Variants in MAP4K2 observed in about 807,000 individuals in gnomAD.
MAP4K2 encodes the protein mitogen-activated protein kinase kinase kinase kinase 2.
MAP4K2 carries 85 observed loss-of-function variants against 125.3 expected under a neutral mutation model. That is an observed-to-expected ratio of 0.68 (90% CI 0.57 to 0.81). The LOEUF is 0.81. MAP4K2 is among the 40% of genes least tolerant of loss of function. The pLI is 0.00. For synonymous variants in MAP4K2, 479 were observed against 445.1 expected (o/e 1.08, Z -0.96); for missense variants, 923 against 1,056.4 (o/e 0.87, Z 1.75).
At chr11:64,793,592 G>A (rs1057410491) in intron 24 of MAP4K2, among the ~76,000 whole-genome samples, 1 of 152,136 alleles carries the variant, frequency 6.6e-6, no homozygotes, top group Admixed American at 6.6e-5. Flanking sequence ...CCACCCAGTG[G>A]CCCATGTCCT....
At position 64,803,047 on chromosome 11, in the gene MAP4K2, G is replaced by C. The variant is rs754690037; in HGVS notation, c.96+7C>G. ...TCCTCCCGGCTCTCCCGCCCGTCCC[G>C]TCGCACCTTGTAGACGTCGCCATAG... On this transcript the variant is annotated splice_region_variant and intron_variant, in intron 1 of 31. Transcript: ENST00000294066. 21 of 1,603,348 alleles carry C rather than the reference G, an allele frequency of 1.3e-5. No individual in the cohort carries two copies. The Admixed American group carries it at 3.3e-4, about 26-fold the overall frequency.
At chr11:64,796,424 TTGG>T in intron 23 of MAP4K2, 34 bp from the exon 24 acceptor site, 1 of 1,613,620 alleles carries the variant, frequency 6.2e-7, no homozygotes, top group African/African-American at 1.3e-5. Flanking sequence ...GCCTGGGGTG[TTGG>T]TGGGCAGGAT....
intron 7 of MAP4K2, 93 bp downstream of exon 7, chr11:64,801,486 G>A: frequency 7.1e-7 from 1 of 1,417,726 alleles, no homozygotes; most frequent in Non-Finnish European, 9.8e-7. Flanking sequence ...AAGTGGCAAA[G>A]TGACTTGCCC....
chr11:64,797,016 G>A lies in MAP4K2; in HGVS notation c.1373C>T (p.Ser458Phe). The change falls in exon 20 of 32, where the codon TCC becomes TTC. Residue 458 changes from serine to phenylalanine, a missense_variant. Ser to Phe is a radical substitution (Grantham distance 155). Coordinates refer to ENST00000294066, the MANE Select transcript of MAP4K2 (RefSeq NM_004579.5). Reference sequence around the variant, plus strand: ...GGGAGTTGGGGGGAGCCCGTGGCAGGATGACCTCTGGGAGGGAGGAAAGGA... The same window carrying A: ...GGGAGTTGGGGGGAGCCCGTGGCAGAATGACCTCTGGGAGGGAGGAAAGGA... ...MKQREDPERS[S>F]CHGLPPTPKV... 1 of 1,614,046 alleles carries A rather than the reference G, an allele frequency of 6.2e-7. No individual in the cohort carries two copies. The highest frequency in any genetic ancestry group is 1.1e-5 in the South Asian group (1 of 91,086).
rs1941141615 is a variant in MAP4K2, at chr11:64,801,153, G to A, written c.488C>T (p.Ala163Val). 3.7e-6 allele frequency: 6 copies of A among 1,613,350 alleles called. No homozygotes were observed. Among genetic ancestry groups the A allele is most frequent in the African/African-American group, 1.3e-5 (1 of 75,016 alleles). The stretch of plus-strand genomic sequence containing the variant: ...GAAAGACCTCCTCTTGGCCACAGAC[G>A]CTGTCAGCTCGCCTGACACCCCAAA... ...ADFGVSGELTASVAKRRSFIG... is the reference protein window; with the variant it reads ...ADFGVSGELTVSVAKRRSFIG... The change falls in exon 8 of 32, where the codon GCG (alanine) becomes GTG (valine). Residue 163 changes from alanine to valine, a missense_variant. By Grantham distance (64) the Ala-to-Val change is moderately conservative. This residue lies in a region of MAP4K2 where 833 missense variants were observed against 911.4 expected (regional missense o/e 0.91). Transcript: ENST00000294066.
In MAP4K2 at chr11:64,796,317, G is replaced by A. The variant is rs1192490253; in HGVS notation, c.1707C>T (p.Pro569=). 1 of 1,548,476 alleles carries A rather than the reference G, an allele frequency of 6.5e-7. No homozygotes were observed. Among genetic ancestry groups the A allele is most frequent in the Non-Finnish European group, 8.7e-7 (1 of 1,146,614 alleles). The change falls in exon 24 of 32, where the codon CCC becomes CCT. Residue 569 remains proline (P), a synonymous_variant. Coordinates refer to ENST00000294066, the MANE Select transcript of MAP4K2 (RefSeq NM_004579.5). ...FEQRRLQQQV[P]LSIPTNRLTQ... is the part of the protein sequence containing the mutation. ...TGAGGCGGTTGGTGGGGATGGAGAG[G>A]GGAACCTGTTGCTGTAGCCTCCGCT...
In MAP4K2 at chr11:64,789,427, G is replaced by C. The variant is rs1197524489; in HGVS notation, c.*110C>G. The C allele has an allele frequency of 5.2e-6, 5 of 955,748 alleles. No homozygotes were observed. The African/African-American group carries it at 8.2e-5, about 16-fold the overall frequency. The allele number at this position is 955,748 out of a possible 1,614,324, so 59.2% of individuals were successfully genotyped here. A position where few individuals can be genotyped will look rare whatever the true frequency, so the allele number is the denominator to read the frequency against. On this transcript the variant is annotated 3_prime_UTR_variant, in exon 32 of 32. Coordinates refer to ENST00000294066, the MANE Select transcript of MAP4K2 (RefSeq NM_004579.5). ...GGATTACTTCTGACCTTCAGCCCCA[G>C]CAGGGCCAGGGCCTGGGCTCCTCTG... is the stretch of plus-strand genomic sequence containing the variant.
rs2136028862 is a variant in MAP4K2 at position 64,785,031 on chromosome 11, TG to T, written c.*4505del. 2 of 152,360 alleles carry T rather than the reference TG, an allele frequency of 1.3e-5. No homozygotes were observed. Among genetic ancestry groups the T allele is most frequent in the South Asian group, 4.1e-4 (2 of 4,822 alleles). The allele number at this position is 152,360 out of a possible 1,614,324, so 9.4% of individuals were successfully genotyped here. A position where few individuals can be genotyped will look rare whatever the true frequency, so the allele number is the denominator to read the frequency against. On this transcript the variant is annotated 3_prime_UTR_variant, in exon 32 of 32. Transcript: ENST00000294066. ...TGCATCCAAACAATGGAATACTACT[TG>T]GCAATAAAAAGGAATAAAATATTAA...
chr11:64,794,748 T>C (rs951047980), intron 24 of MAP4K2, among the ~76,000 whole-genome samples: 1 of 151,994 alleles, frequency 6.6e-6, no homozygotes, highest in African/African-American at 2.4e-5. Context: ...CTGCCTGGAG[T>C]GCCATTCCCT....
chr11:64,800,945 T>G lies in MAP4K2; in HGVS notation c.617A>C (p.Glu206Ala). Residue 206 changes from glutamate (E) to alanine (A), a missense_variant, in exon 9 of 32, where the codon GAG (glutamate) becomes GCG (alanine). Physicochemically the swap from Glu to Ala is moderately radical, Grantham distance 107 (BLOSUM62 -1). This residue lies in a region of MAP4K2 where 833 missense variants were observed against 911.4 expected (regional missense o/e 0.91). Transcript: ENST00000294066. ...DVWALGITAI[E>A]LGELQPPLFH... The stretch of plus-strand genomic sequence containing the variant: ...CAGAGGGGGCTGCAGCTCGCCCAGC[T>G]CAATGGCAGTGATGCCCAGGGCCCA... 1 of 1,613,990 alleles carries G rather than the reference T, an allele frequency of 6.2e-7. No homozygotes were observed.
Position 64,797,608 on chromosome 11 carries a change from C to T in MAP4K2, c.1136+18G>A. ...GGCCACCTGCCCCTTGCCCCTCCCC[C>T]AGGCCCACATCCCTCACCTTTCCTC... On this transcript the variant is annotated intron_variant, in intron 16 of 31. Transcript: ENST00000294066. 6.3e-7 allele frequency: 1 copy of T among 1,579,108 alleles called. No homozygotes were observed. The highest frequency in any genetic ancestry group is 1.3e-5 in the African/African-American group (1 of 74,288).
rs762499243 is a variant in MAP4K2 at position 64,792,369 on chromosome 11, C to T, written c.1805G>A (p.Arg602His). ...IPDTKGCLQC[R>H]VVRNPYTGAT... ...CCGCCCAGCCCATTTCTTACCCACA[C>T]GACACTGCAAGCAGCCTTTGGTGTC... Residue 602 changes from arginine (R) to histidine (H), a missense_variant, in exon 25 of 32, where the codon CGT (arginine) becomes CAT (histidine). Physicochemically the swap from Arg to His is conservative, Grantham distance 29. Around this residue, in one of 2 missense-constraint regions of MAP4K2, gnomAD observed 833 missense variants for 911.4 expected, o/e 0.91. Coordinates refer to ENST00000294066, the MANE Select transcript of MAP4K2 (RefSeq NM_004579.5). The T allele has an allele frequency of 1.1e-5, 17 of 1,544,136 alleles. No individual in the cohort carries two copies. In the Admixed American group the frequency reaches 1.8e-4, roughly 17 times the overall value.
intron 4 of MAP4K2, 146 bp downstream of exon 4, chr11:64,802,273 G>A (rs1406725282): frequency 9.2e-7 from 1 of 1,084,552 alleles, no homozygotes; most frequent in African/African-American, 1.6e-5. Flanking sequence ...TGAACCCAGA[G>A]ATGGACAGTA....
intron 7 of MAP4K2, 66 bp downstream of exon 7, chr11:64,801,513 T>G (rs889281934): frequency 6.8e-5 from 106 of 1,567,542 alleles, no homozygotes; most frequent in Non-Finnish European, 8.1e-5. Flanking sequence ...ACCCAACCCT[T>G]GAGTCCAGGG....
intron 24 of MAP4K2, among the ~76,000 whole-genome samples, chr11:64,793,346 G>C (rs575208493): frequency 6.6e-6 from 1 of 152,214 alleles, no homozygotes; most frequent in African/African-American, 2.4e-5. Context: ...AAACAGGCCC[G>C]GGGCAGTGAA....
intron 15 of MAP4K2, among the ~76,000 whole-genome samples, chr11:64,798,498 C>A (rs1167500924): frequency 6.6e-6 from 1 of 152,148 alleles, no homozygotes; most frequent in Non-Finnish European, 1.5e-5. Flanking sequence ...TGGGGTTTCA[C>A]CATGTTGGCA....
chr11:64,795,489 C>T (rs1940740628), intron 24 of MAP4K2, among the ~76,000 whole-genome samples: 1 of 152,018 alleles, frequency 6.6e-6, no homozygotes, highest in Non-Finnish European at 1.5e-5. Flanking sequence ...CAACCTCTGC[C>T]TCTCAGGTTC....
rs1409304408 is a variant in MAP4K2 at position 64,802,363 on chromosome 11, T to G, written c.310+56A>C. 4.1e-6 allele frequency: 6 copies of G among 1,454,682 alleles called. No individual in the cohort carries two copies. In the South Asian group the frequency reaches 8.0e-5, roughly 19 times the overall value. 90.1% of individuals were successfully genotyped at this position (1,454,682 alleles called of 1,614,324 possible). A position where few individuals can be genotyped will look rare whatever the true frequency, so the allele number is the denominator to read the frequency against. ...CCCAGAGTCCCCTCTGGTACCCCAG[T>G]GGGGTAGGGGTGGGGGAAGGCTGGG... On this transcript the variant is annotated intron_variant, in intron 4 of 31. Transcript: ENST00000294066.
chr11:64,792,933 G>A (rs1940586537), intron 24 of MAP4K2, among the ~76,000 whole-genome samples: 1 of 152,174 alleles, frequency 6.6e-6, no homozygotes, highest in Admixed American at 6.5e-5. Context: ...AGAAAGAAAT[G>A]ATGCCAGGTG....
Sources: allele counts gnomAD v4.1 joint callset (sites outside exome capture counted in the v4.1 genomes callset), GRCh38; gene constraint gnomAD v4.1.1; regional missense constraint gnomAD v4.1.1; transcripts MANE v1.5; gene names NCBI Gene and HGNC (gene_info 2026-07-23, HGNC 2026-07-21).